ZGPAT: variants seen among roughly 807,000 people sequenced by gnomAD.
ZGPAT encodes zinc finger CCCH-type and G-patch domain containing.
ZGPAT carries 39 observed loss-of-function variants against 47.9 expected under a neutral mutation model. The ratio of observed to expected loss-of-function variants is 0.81; its 90% confidence interval spans 0.63 to 1.06. The LOEUF (loss-of-function observed/expected upper bound fraction) is 1.06. Among genes scored for constraint, ZGPAT ranks in the 50% least tolerant of loss-of-function variants. ZGPAT has a pLI of 0.00. For missense variants in ZGPAT, 717 were observed against 681.4 expected (o/e 1.05, Z -0.58); for synonymous variants, 348 against 292.9 (o/e 1.19, Z -1.92).
At chr20:63,732,734 GTC>G (rs1000499086) in intron 2 of ZGPAT, among the ~76,000 whole-genome samples, 1 of 151,550 alleles carries the variant, frequency 6.6e-6, no homozygotes, top group Non-Finnish European at 1.5e-5. Context: ...ATATGTGTAT[GTC>G]TGTATATGTG....
In ZGPAT at chr20:63,724,936, A is replaced by G. The variant is rs1449950861; in HGVS notation, c.585-8283A>G. The stretch of plus-strand genomic sequence containing the variant: ...ATGATCTGCCTGTCCTGGCCTCCCA[A>G]AATGCTGGGATTACCATGAGCCACC... On this transcript the variant is annotated intron_variant, in intron 2 of 6. Coordinates refer to ENST00000355969, the MANE Select transcript of ZGPAT (RefSeq NM_181485.3). Among the ~76,000 whole-genome samples, 7 of 151,780 alleles carry G rather than the reference A, an allele frequency of 4.6e-5. No individual in the cohort carries two copies. In the East Asian group the frequency reaches 9.7e-4, roughly 21 times the overall value.
chr20:63,722,156 A>G (rs34507260), intron 2 of ZGPAT, among the ~76,000 whole-genome samples: 1,611 of 152,302 alleles, frequency 0.011, 12 homozygotes, highest in Non-Finnish European at 0.016. Flanking sequence ...GGATTCCTTG[A>G]GAAAAGGTCT....
chr20:63,712,103 C>A (rs972977892), intron 2 of ZGPAT, among the ~76,000 whole-genome samples: 1 of 152,146 alleles, frequency 6.6e-6, no homozygotes, highest in Non-Finnish European at 1.5e-5. Context: ...AGGATTTTCA[C>A]CTATGTTTTC....
intron 2 of ZGPAT, among the ~76,000 whole-genome samples, chr20:63,715,978 A>G (rs1297018561): frequency 6.6e-6 from 1 of 152,178 alleles, no homozygotes; most frequent in East Asian, 1.9e-4. Flanking sequence ...CTTTTCTTTC[A>G]TTGGAAGTTT....
intron 2 of ZGPAT, among the ~76,000 whole-genome samples, chr20:63,712,260 G>A (rs1449334408): frequency 6.6e-6 from 1 of 152,198 alleles, no homozygotes; most frequent in Non-Finnish European, 1.5e-5. Flanking sequence ...TTAAAAGACT[G>A]CTTTTTCTCC....
chr20:63,730,161 C>G (rs550096291), intron 2 of ZGPAT: 19 of 152,112 alleles, frequency 1.2e-4, no homozygotes, highest in African/African-American at 4.6e-4. Context: ...GCTGAAGGGG[C>G]GTATTTAATC....
At chr20:63,728,891 T>C (rs964099999) in intron 2 of ZGPAT, among the ~76,000 whole-genome samples, 1 of 152,236 alleles carries the variant, frequency 6.6e-6, no homozygotes, top group Admixed American at 6.5e-5. Context: ...CTTCCCAGTA[T>C]TCTGGCCCAA....
chr20:63,713,041 T>C (rs1383831316), intron 2 of ZGPAT, among the ~76,000 whole-genome samples: 1 of 152,164 alleles, frequency 6.6e-6, no homozygotes, highest in Non-Finnish European at 1.5e-5. Context: ...AAATAAGTAT[T>C]ATTTTTGATG....
intron 2 of ZGPAT, among the ~76,000 whole-genome samples, chr20:63,715,341 G>T (rs2091716288): frequency 6.6e-6 from 1 of 150,610 alleles, no homozygotes; most frequent in South Asian, 2.1e-4. Flanking sequence ...CCGGGTTCAA[G>T]CAATTCTCCT....
At chr20:63,734,478 C>T (rs892811746) in intron 4 of ZGPAT, 22 of 797,610 alleles carry the variant, frequency 2.8e-5, no homozygotes, top group Middle Eastern at 3.9e-4. Context: ...GCCATGCACT[C>T]TGCCTGGTGT....
chr20:63,735,601 C>A, intron 6 of ZGPAT, 37 bp downstream of exon 6: 1 of 1,507,254 alleles, frequency 6.6e-7, no homozygotes, highest in South Asian at 1.3e-5. Context: ...AAGGGCGACC[C>A]AGGGTGGCCC....
intron 2 of ZGPAT, among the ~76,000 whole-genome samples, chr20:63,721,677 A>G (rs557941294): frequency 2.0e-5 from 3 of 152,090 alleles, no homozygotes; most frequent in South Asian, 4.2e-4. Flanking sequence ...CTCTTTGCCC[A>G]TCTGTTGTTG....
intron 4 of ZGPAT, 103 bp downstream of exon 4, chr20:63,733,842 T>C: frequency 6.8e-7 from 1 of 1,469,966 alleles, no homozygotes; most frequent in Non-Finnish European, 9.1e-7. Context: ...TATTGGAGAG[T>C]GTGTGACTGC....
chr20:63,732,346 GTGTGTGTGTGCATGTGTCAGGGTGTGTGT>G (rs2091916997), intron 2 of ZGPAT, among the ~76,000 whole-genome samples: 1 of 28,856 alleles, frequency 3.5e-5, no homozygotes, highest in African/African-American at 1.3e-4. Context: ...TGTGGGTGAG[GTGTGTGTGTGCATGTGTCAGGGTGTGTGT>G]GCGCGCATGT....
rs2091618144 is a variant in ZGPAT, at chr20:63,709,045, G to A, written c.465G>A (p.Thr155=). 1 of 1,613,608 alleles carries A rather than the reference G, an allele frequency of 6.2e-7. No individual in the cohort carries two copies. Among genetic ancestry groups the A allele is most frequent in the Admixed American group, 1.7e-5 (1 of 60,006 alleles). Residue 155 remains threonine, a synonymous_variant, in exon 2 of 7, where the codon ACG becomes ACA. Transcript: ENST00000355969. ...ATCACAACGCCATGGTGGTGGGAACGGAAGAGGCGGAGGATGGCTCGGCGG... is the reference window on the plus strand; with the variant it reads ...ATCACAACGCCATGGTGGTGGGAACAGAAGAGGCGGAGGATGGCTCGGCGG... ...LEYHNAMVVG[T]EEAEDGSAGV...
chr20:63,731,174 C>T (rs2091897299), intron 2 of ZGPAT, among the ~76,000 whole-genome samples: 1 of 152,164 alleles, frequency 6.6e-6, no homozygotes, highest in Admixed American at 6.6e-5. Flanking sequence ...GAGCTGCTGT[C>T]AGAAGGCTGC....
intron 2 of ZGPAT, among the ~76,000 whole-genome samples, chr20:63,732,783 T>TCTGTCTCCCTCAGGACAGTGCCCAGGCGG (rs2091930623): frequency 6.6e-6 from 1 of 151,542 alleles, no homozygotes; most frequent in African/African-American, 2.4e-5. Flanking sequence ...TGCGTGTGTG[T>TCTGTCTCCCTCAGGACAGTGCCCAGGCGG]ATGCATGTGA....
intron 2 of ZGPAT, among the ~76,000 whole-genome samples, chr20:63,719,725 CTTTTTA>C (rs1263436075): frequency 1.3e-5 from 2 of 150,390 alleles, no homozygotes; most frequent in Admixed American, 1.3e-4. Context: ...TTTTAAATTT[CTTTTTA>C]TTTAGTTATT....
rs1486858508 is a variant in ZGPAT at position 63,733,316 on chromosome 20, C to T, written c.682C>T (p.His228Tyr). ...GGCCGGCTCTGCGTGTCTGGCCAAG[C>T]ACCAGGATGGCCTCTGGCACGCAGC... ...LQAGSACLAK[H>Y]QDGLWHAARI... Residue 228 changes from histidine (H) to tyrosine (Y), a missense_variant, in exon 3 of 7, where the codon CAC (histidine) becomes TAC (tyrosine). Coordinates refer to ENST00000355969, the MANE Select transcript of ZGPAT (RefSeq NM_181485.3). The T allele has an allele frequency of 6.2e-7, 1 of 1,613,206 alleles. No individual in the cohort carries two copies. Among genetic ancestry groups the T allele is most frequent in the East Asian group, 2.2e-5 (1 of 44,888 alleles).
Sources: allele counts gnomAD v4.1 joint callset (sites outside exome capture counted in the v4.1 genomes callset), GRCh38; gene constraint gnomAD v4.1.1; transcripts MANE v1.5; gene names NCBI Gene and HGNC (gene_info 2026-07-23, HGNC 2026-07-21).